XKR4: variants seen among roughly 807,000 people sequenced by gnomAD.
XKR4 encodes the protein XK-related protein 4.
Under a neutral mutation model 53.9 loss-of-function variants are expected in XKR4, and 12 were observed. That is an observed-to-expected ratio of 0.22 (90% confidence interval 0.14 to 0.36). The LOEUF (loss-of-function observed/expected upper bound fraction) is 0.36. Among genes scored for constraint, XKR4 ranks in the 10% least tolerant of loss-of-function variants. The pLI is 1.00. For missense variants in XKR4, 799 were observed against 859.5 expected (o/e 0.93, Z 0.88); for synonymous variants, 354 against 362.4 (o/e 0.98, Z 0.26).
At chr8:55,179,017 A>G (rs919033251) in intron 1 of XKR4, among the ~76,000 whole-genome samples, 3 of 152,160 alleles carry the variant, frequency 2.0e-5, no homozygotes, top group Non-Finnish European at 2.9e-5. Context: ...GATAGTGAGA[A>G]CCTGTTCTTT....
chr8:55,119,831 T>C (rs985492911), intron 1 of XKR4, among the ~76,000 whole-genome samples: 3 of 152,116 alleles, frequency 2.0e-5, no homozygotes, highest in African/African-American at 7.2e-5. Flanking sequence ...CTTGGCTGAG[T>C]TCTTACTAAA....
chr8:55,109,154 A>T (rs1261663879), intron 1 of XKR4, among the ~76,000 whole-genome samples: 1 of 152,178 alleles, frequency 6.6e-6, no homozygotes, highest in Admixed American at 6.5e-5. Flanking sequence ...TTGCAGATCA[A>T]CTGGGCTTCC....
At chr8:55,148,187 T>C (rs928989247) in intron 1 of XKR4, among the ~76,000 whole-genome samples, 1 of 152,194 alleles carries the variant, frequency 6.6e-6, no homozygotes, top group Admixed American at 6.5e-5. Flanking sequence ...AGCTTCCTTT[T>C]CTTAAAAATT....
chr8:55,366,746 T>A (rs1408575042), intron 2 of XKR4, among the ~76,000 whole-genome samples: 1 of 152,198 alleles, frequency 6.6e-6, no homozygotes, highest in East Asian at 1.9e-4. Flanking sequence ...GCTAAAGTCC[T>A]TCTCTTCTAC....
At chr8:55,144,805 CTATTTTATTTTATTT>C (rs57869559) in intron 1 of XKR4, among the ~76,000 whole-genome samples, 4 of 138,918 alleles carry the variant, frequency 2.9e-5, no homozygotes, top group Non-Finnish European at 6.2e-5. Context: ...AGTATTACCA[CTATTTTATTTTATTT>C]TATTTTATTT....
chr8:55,237,526 G>A (rs1419253590), intron 1 of XKR4, among the ~76,000 whole-genome samples: 2 of 152,202 alleles, frequency 1.3e-5, no homozygotes, highest in African/African-American at 2.4e-5. Flanking sequence ...TTGAGAAGGT[G>A]AAGGAAGAGG....
intron 2 of XKR4, among the ~76,000 whole-genome samples, chr8:55,445,910 G>T (rs568913467): frequency 1.3e-5 from 2 of 152,348 alleles, no homozygotes; most frequent in East Asian, 3.9e-4. Context: ...AGCAATGCCA[G>T]CTGCATAAGC....
intron 2 of XKR4, chr8:55,453,513 C>T (rs901602632): frequency 2.9e-5 from 11 of 385,350 alleles, no homozygotes; most frequent in African/African-American, 2.3e-4. Flanking sequence ...GGGCTCTTGA[C>T]CTGCAGCCTG....
intron 1 of XKR4, among the ~76,000 whole-genome samples, chr8:55,346,685 A>ATG (rs10685965): frequency 0.037 from 5,180 of 138,364 alleles, 86 homozygotes; most frequent in Middle Eastern, 0.087. Flanking sequence ...TGTTGAGGTT[A>ATG]TGTGTGTGTG....
intron 1 of XKR4, among the ~76,000 whole-genome samples, chr8:55,283,774 G>C (rs1454712647): frequency 6.6e-6 from 1 of 152,186 alleles, no homozygotes; most frequent in Non-Finnish European, 1.5e-5. Context: ...AGTTTCATCA[G>C]ATGCTCTCCT....
chr8:55,167,359 C>G (rs571101255), intron 1 of XKR4, among the ~76,000 whole-genome samples: 2 of 152,130 alleles, frequency 1.3e-5, no homozygotes, highest in Non-Finnish European at 2.9e-5. Flanking sequence ...GAGCTCTAGC[C>G]AATAAAAAGT....
At chr8:55,408,246 C>T (rs182658508) in intron 2 of XKR4, among the ~76,000 whole-genome samples, 35 of 152,340 alleles carry the variant, frequency 2.3e-4, no homozygotes, top group African/African-American at 7.9e-4. Context: ...ATCCTCCTAA[C>T]GACCCTTGGA....
chr8:55,122,111 G>A (rs972142985), intron 1 of XKR4, among the ~76,000 whole-genome samples: 1 of 152,176 alleles, frequency 6.6e-6, no homozygotes, highest in Non-Finnish European at 1.5e-5. Context: ...AGCAGATAAT[G>A]AATTAAAAAT....
At chr8:55,388,623 A>G (rs1804367527) in intron 2 of XKR4, among the ~76,000 whole-genome samples, 1 of 152,152 alleles carries the variant, frequency 6.6e-6, no homozygotes, top group African/African-American at 2.4e-5. Flanking sequence ...AAGGGCACTC[A>G]TCTCATTTAT....
intron 2 of XKR4, among the ~76,000 whole-genome samples, chr8:55,448,027 A>G (rs1805371750): frequency 6.6e-6 from 1 of 152,232 alleles, no homozygotes. Flanking sequence ...CCCCAGTTAC[A>G]AAGCTTGCTG....
Position 55,102,659 on chromosome 8 carries a change from C to A in XKR4, c.171C>A (p.Asp57Glu), listed in dbSNP as rs1816063619. ...CGGCCGGGGGCGGCTGCTGCCCGGACGGCGGCGGCTGCTCGCGCTGCTGCT... is the reference window on the plus strand; with the variant it reads ...CGGCCGGGGGCGGCTGCTGCCCGGAAGGCGGCGGCTGCTCGCGCTGCTGCT... Reference protein sequence around the residue: ...EEAAGGGCCPDGGGCSRCCCC... With the variant: ...EEAAGGGCCPEGGGCSRCCCC... Residue 57 changes from aspartate (D) to glutamate (E), a missense_variant, in exon 1 of 3, where the codon GAC becomes GAA. By Grantham distance (45) the Asp-to-Glu change is conservative. This residue lies in a region of XKR4 where 476 missense variants were observed against 505.4 expected (regional missense o/e 0.94). Transcript: ENST00000327381. This position sits in a 1 kb window ranked among gnomAD's most constrained non-coding sequence, Gnocchi z 5.1. 7.9e-7 allele frequency: 1 copy of A among 1,273,146 alleles called. No homozygotes were observed. The highest frequency in any genetic ancestry group is 3.6e-5 in the Admixed American group (1 of 27,760). 78.9% of individuals were successfully genotyped at this position (1,273,146 alleles called of 1,614,324 possible).
At chr8:55,411,261 CT>C (rs1356586064) in intron 2 of XKR4, among the ~76,000 whole-genome samples, 3 of 152,166 alleles carry the variant, frequency 2.0e-5, no homozygotes, top group Non-Finnish European at 4.4e-5. Flanking sequence ...TGTCACCTCA[CT>C]TTCCTGACCT....
chr8:55,432,073 A>G (rs1462079407), intron 2 of XKR4, among the ~76,000 whole-genome samples: 1 of 152,188 alleles, frequency 6.6e-6, no homozygotes, highest in East Asian at 1.9e-4. Flanking sequence ...CTCTTTCTAT[A>G]ATTTCAAATG....
At chr8:55,157,829 C>T (rs1428808367) in intron 1 of XKR4, among the ~76,000 whole-genome samples, 3 of 152,128 alleles carry the variant, frequency 2.0e-5, no homozygotes, top group African/African-American at 7.2e-5. Flanking sequence ...CTAGCCCCAT[C>T]CATGTTGCTG....
Sources: gnomAD v4.1 joint callset for allele counts (sites outside exome capture counted in the v4.1 genomes callset) on GRCh38, gnomAD v4.1.1 for gene constraint, gnomAD v4.1.1 regional missense constraint, Gnocchi (gnomAD v3.1) non-coding constraint, MANE v1.5 for transcripts, NCBI Gene and HGNC (gene_info 2026-07-23, HGNC 2026-07-21) for gene names.